ZFAND6: variants seen among roughly 807,000 people sequenced by gnomAD.
ZFAND6 encodes the protein zinc finger AN1-type containing 6, also known as AN1-type zinc finger protein 6.
In ZFAND6, 12 loss-of-function variants were observed where a neutral mutation model predicts 24.5. The ratio of observed to expected loss-of-function variants is 0.49; its 90% CI spans 0.31 to 0.79. ZFAND6 has a LOEUF of 0.79. Ranked by LOEUF, ZFAND6 falls within the 30% of genes least tolerant of loss-of-function variation. The probability of loss-of-function intolerance (pLI) is 0.04; values close to 1 mark genes in which losing one functional copy is unlikely to be tolerated. For missense variants in ZFAND6, 207 were observed against 245.9 expected, an observed-to-expected ratio of 0.84 and a Z score of 1.06; for synonymous variants, 92 against 81.5, an observed-to-expected ratio of 1.13 and a Z score of -0.69.
chr15:80,112,306 A>T (rs991859911), intron 2 of ZFAND6, among the ~76,000 whole-genome samples: 2 of 152,246 alleles, frequency 1.3e-5, no homozygotes, highest in East Asian at 3.9e-4. Flanking sequence ...TCAGTACAGT[A>T]GTCCAAAATC....
At chr15:80,072,673 A>G (rs1041779313) in intron 1 of ZFAND6, 2 of 152,002 alleles carry the variant, frequency 1.3e-5, no homozygotes, top group African/African-American at 4.8e-5. Context: ...TAATCTTTTT[A>G]TGATCCTTTA....
chr15:80,073,477 T>C lies in ZFAND6; in HGVS notation c.-181+13668T>C, dbSNP rs188364364. The stretch of plus-strand genomic sequence containing the variant: ...CTCTTTGTTCTCATAGAAATTAAGG[T>C]ATAAATTGCAATAATCATTGCAATA... On this transcript the variant is annotated intron_variant, in intron 1 of 6. Coordinates refer to ENST00000261749, the MANE Select transcript of ZFAND6 (RefSeq NM_019006.4). 34 of 180,914 alleles carry C rather than the reference T, an allele frequency of 1.9e-4. No homozygotes were observed. The East Asian group carries it at 4.7e-3, about 25-fold the overall frequency. The allele number at this position is 180,914 out of a possible 1,614,324, so 11.2% of individuals were successfully genotyped here.
chr15:80,119,432 A>C (rs1267819301), intron 2 of ZFAND6, among the ~76,000 whole-genome samples: 1 of 152,220 alleles, frequency 6.6e-6, no homozygotes, highest in Non-Finnish European at 1.5e-5. Flanking sequence ...TTGATGATTA[A>C]TGGGTGCTCC....
rs1280443596 is a variant in ZFAND6 at position 80,138,303 on chromosome 15, A to G, written c.*675A>G. On this transcript the variant is annotated 3_prime_UTR_variant, in exon 7 of 7. Coordinates refer to ENST00000261749, the MANE Select transcript of ZFAND6 (RefSeq NM_019006.4). The stretch of plus-strand genomic sequence containing the variant: ...GTTCATGGGTTTGTGTGTATACAAT[A>G]TGAAGAATGATCTGAAGTAATTGTG... 1 of 152,662 alleles carries G rather than the reference A, an allele frequency of 6.6e-6. No homozygotes were observed. The highest frequency in any genetic ancestry group is 1.9e-4 in the East Asian group (1 of 5,206). The allele number at this position is 152,662 out of a possible 1,614,324, so 9.5% of individuals were successfully genotyped here.
chr15:80,105,007 A>C (rs1028085739), intron 2 of ZFAND6, among the ~76,000 whole-genome samples: 1 of 152,156 alleles, frequency 6.6e-6, no homozygotes, highest in African/African-American at 2.4e-5. Context: ...AGGTGGTGGG[A>C]TTCCCTGTTG....
chr15:80,123,680 A>T (rs1357577108), intron 5 of ZFAND6, among the ~76,000 whole-genome samples: 1 of 152,198 alleles, frequency 6.6e-6, no homozygotes, highest in Non-Finnish European at 1.5e-5. Flanking sequence ...AGGCAGGAGG[A>T]TCGCTTGAGT....
At chr15:80,079,909 C>T (rs2141851074) in intron 1 of ZFAND6, among the ~76,000 whole-genome samples, 1 of 152,150 alleles carries the variant, frequency 6.6e-6, no homozygotes, top group South Asian at 2.1e-4. Flanking sequence ...CCTCGGCCTC[C>T]CAAAATGCTG....
intron 1 of ZFAND6, among the ~76,000 whole-genome samples, chr15:80,094,746 C>A (rs1229632449): frequency 6.6e-6 from 1 of 152,084 alleles, no homozygotes; most frequent in East Asian, 1.9e-4. Context: ...ATCTAATACA[C>A]AGTCCACATT....
chr15:80,083,233 C>T (rs184538565), intron 1 of ZFAND6, among the ~76,000 whole-genome samples: 14 of 152,240 alleles, frequency 9.2e-5, no homozygotes, highest in African/African-American at 3.4e-4. Context: ...CCTCGTGATC[C>T]GCCCGCTTCG....
At chr15:80,111,554 C>T in intron 2 of ZFAND6, 1 of 455,704 alleles carries the variant, frequency 2.2e-6, no homozygotes, top group Non-Finnish European at 4.4e-6. Flanking sequence ...ATACAGTGGC[C>T]TCTTGGTGAG....
chr15:80,074,607 A>G (rs191308402), intron 1 of ZFAND6, among the ~76,000 whole-genome samples: 9 of 152,042 alleles, frequency 5.9e-5, no homozygotes, highest in African/African-American at 2.2e-4. Flanking sequence ...ACTTTTATGA[A>G]TAATTACAGG....
In ZFAND6 at chr15:80,102,115, A is replaced by G. The variant is rs188001302; in HGVS notation, c.-18+3537A>G. ...CCGGCCATAAAGTGATTTTTAAACAATTTATAAAATTTATTATAGTGTAGT... is the reference window on the plus strand; with the variant it reads ...CCGGCCATAAAGTGATTTTTAAACAGTTTATAAAATTTATTATAGTGTAGT... On this transcript the variant is annotated intron_variant, in intron 2 of 6. Transcript: ENST00000261749. Among the ~76,000 whole-genome samples, 40 of 151,676 alleles carry G rather than the reference A, an allele frequency of 2.6e-4. No homozygotes were observed. In the East Asian group the frequency reaches 7.6e-3, roughly 29 times the overall value.
chr15:80,121,852 T>A, intron 4 of ZFAND6, 32 bp downstream of exon 4: 2 of 1,560,464 alleles, frequency 1.3e-6, no homozygotes. Context: ...CTAATGAGAA[T>A]GCTAATAAAA....
chr15:80,088,273 C>A (rs189159808), intron 1 of ZFAND6, among the ~76,000 whole-genome samples: 23 of 152,172 alleles, frequency 1.5e-4, no homozygotes, highest in African/African-American at 5.5e-4. Flanking sequence ...CTTCTCTATT[C>A]TTTAAGACTT....
intron 1 of ZFAND6, among the ~76,000 whole-genome samples, chr15:80,074,098 C>T (rs1387438978): frequency 2.0e-5 from 3 of 151,874 alleles, no homozygotes; most frequent in South Asian, 2.1e-4. Flanking sequence ...TGTGTAGCCC[C>T]TTAAATGTTC....
At chr15:80,060,979 C>T (rs940511236) in intron 1 of ZFAND6, among the ~76,000 whole-genome samples, 7 of 152,180 alleles carry the variant, frequency 4.6e-5, no homozygotes, top group Non-Finnish European at 1.0e-4. Context: ...TTAAATTCCT[C>T]TTTCAAACCG....
chr15:80,123,472 T>A (rs1243898729), intron 5 of ZFAND6, among the ~76,000 whole-genome samples: 2 of 152,180 alleles, frequency 1.3e-5, no homozygotes, highest in Non-Finnish European at 2.9e-5. Flanking sequence ...CAAGGAAGGA[T>A]CTCTGGAAAG....
chr15:80,076,289 G>A lies in ZFAND6; in HGVS notation c.-181+16480G>A, dbSNP rs2469604. On this transcript the variant is annotated intron_variant, in intron 1 of 6. Transcript: ENST00000261749. ...GCAAATGGGTGATACTGCCACCCAA[G>A]CCAGAATCTGATTGTCATTCTGATT... Among the ~76,000 whole-genome samples the A allele has an allele frequency of 9.1e-3, 1,386 of 152,174 alleles. 25 individuals are homozygous for A. The highest frequency in any genetic ancestry group is 0.032 in the African/African-American group (1,317 of 41,524).
chr15:80,071,651 G>A (rs1024543346), intron 1 of ZFAND6, among the ~76,000 whole-genome samples: 5 of 151,252 alleles, frequency 3.3e-5, no homozygotes, highest in Non-Finnish European at 5.9e-5. Flanking sequence ...ATTATTTAAC[G>A]TAGCTTAGTG....
Sources: allele counts gnomAD v4.1 joint callset (sites outside exome capture counted in the v4.1 genomes callset), GRCh38; gene constraint gnomAD v4.1.1; transcripts MANE v1.5; gene names NCBI Gene and HGNC (gene_info 2026-07-23, HGNC 2026-07-21).